Variants in PRMT8 observed in about 807,000 individuals in gnomAD.
The protein encoded by PRMT8 is protein arginine N-methyltransferase 8.
A neutral mutation model predicts 47.1 loss-of-function variants in PRMT8; 7 were observed. The observed-to-expected ratio is 0.15, with a 90% CI of 0.08 to 0.28. PRMT8 has a LOEUF of 0.28. Ranked by LOEUF, PRMT8 falls within the 10% of genes least tolerant of loss-of-function variation. The probability of loss-of-function intolerance (pLI) is 1.00; values close to 1 mark genes in which losing one functional copy is unlikely to be tolerated. For missense variants in PRMT8, 237 were observed against 505.4 expected (o/e 0.47, Z 5.09); for synonymous variants, 188 against 186.5 (o/e 1.01, Z -0.07).
Position 3,409,992 on chromosome 12 carries a change from A to G in PRMT8, c.48+28550A>G, listed in dbSNP as rs765507400. On this transcript the variant is annotated intron_variant, in intron 1 of 9. Coordinates refer to the PRMT8 transcript ENST00000452611. The surrounding 1 kb of genome is among the most constrained non-coding windows in gnomAD (Gnocchi z 4.4). ...GATGGAGTGGCTCTGGCCCTCTGGC[A>G]GCCTGTTACCTCTGGTTAGCTCCTG... is the stretch of plus-strand genomic sequence containing the variant. Among the ~76,000 whole-genome samples, 1 of 152,222 alleles carries G rather than the reference A, an allele frequency of 6.6e-6. No homozygotes were observed. Among genetic ancestry groups the G allele is most frequent in the East Asian group, 1.9e-4 (1 of 5,192 alleles).
At position 3,576,719 on chromosome 12, in the gene PRMT8, G is replaced by A; in HGVS notation, c.713-152G>A. On this transcript the variant is annotated intron_variant, in intron 6 of 9. Transcript: ENST00000382622. The surrounding 1 kb of genome is among the most constrained non-coding windows in gnomAD (Gnocchi z 4.0). The stretch of plus-strand genomic sequence containing the variant: ...GTGAGCATTTGGCACATTGCAAAGT[G>A]CCCCCAGGTGAGCAGTTCTGCCTCT... 2 of 660,520 alleles carry A rather than the reference G, an allele frequency of 3.0e-6. No individual in the cohort carries two copies. Among genetic ancestry groups the A allele is most frequent in the Non-Finnish European group, 5.5e-6 (2 of 366,866 alleles). 40.9% of individuals were successfully genotyped at this position (660,520 alleles called of 1,614,324 possible).
intron 6 of PRMT8, among the ~76,000 whole-genome samples, chr12:3,571,976 C>T (rs779184317): frequency 6.6e-6 from 1 of 152,160 alleles, no homozygotes; most frequent in Non-Finnish European, 1.5e-5. Context: ...GAGAGTGAGA[C>T]ATGTTCAGCC....
rs142298259 is a variant in PRMT8 at position 3,593,662 on chromosome 12, C to T, written c.*480C>T. 248 of 183,790 alleles carry T rather than the reference C, an allele frequency of 1.3e-3. 2 individuals carry two copies. Among genetic ancestry groups the T allele is most frequent in the African/African-American group, 5.5e-3 (229 of 41,626 alleles). The allele number at this position is 183,790 out of a possible 1,614,324, so 11.4% of individuals were successfully genotyped here. A position where few individuals can be genotyped will look rare whatever the true frequency, so the allele number is the denominator to read the frequency against. The stretch of plus-strand genomic sequence containing the variant: ...TGTGAGCAGCATAGTTGATATTTAC[C>T]CACAAACACCTGTATATGCGTGCAT... On this transcript the variant is annotated 3_prime_UTR_variant, in exon 10 of 10. Coordinates refer to ENST00000382622, the MANE Select transcript of PRMT8 (RefSeq NM_019854.5). This position sits in a 1 kb window ranked among gnomAD's most constrained non-coding sequence, Gnocchi z 4.8.
intron 1 of PRMT8, among the ~76,000 whole-genome samples, chr12:3,394,810 G>C (rs1349258166): frequency 2.0e-5 from 3 of 151,680 alleles, no homozygotes; most frequent in Admixed American, 6.6e-5. Context: ...TTGTACCTCT[G>C]GTAGAATTCA....
At chr12:3,431,168 G>A (rs1864671753) in intron 1 of PRMT8, among the ~76,000 whole-genome samples, 1 of 152,146 alleles carries the variant, frequency 6.6e-6, no homozygotes, top group Admixed American at 6.5e-5. Flanking sequence ...ATAGATTTTT[G>A]TTCTAGAAAT....
chr12:3,528,041 A>C (rs878891166), intron 1 of PRMT8, among the ~76,000 whole-genome samples: 2 of 152,044 alleles, frequency 1.3e-5, no homozygotes, highest in Non-Finnish European at 2.9e-5. Context: ...CCTTTGTAAT[A>C]TATCTCCCCA....
rs1273340275 is a variant in PRMT8, at chr12:3,451,715, TTGA to T, written c.48+70280_48+70282del. 7.9e-5 allele frequency among the ~76,000 whole-genome samples: 12 copies of T among 152,310 alleles called. No individual in the cohort carries two copies. The East Asian group carries it at 2.1e-3, about 27-fold the overall frequency. ...CCCACCCGCTTAGGCCGCAGTGCTG[TTGA>T]TGATGACGTGAGGACTCTACTTTTC... On this transcript the variant is annotated intron_variant, in intron 1 of 9. Transcript: ENST00000452611.
rs954013697 is a variant in PRMT8, at chr12:3,564,725, C to A, written c.482-3981C>A. Among the ~76,000 whole-genome samples the A allele has an allele frequency of 6.6e-6, 1 of 152,232 alleles. No individual in the cohort carries two copies. Among genetic ancestry groups the A allele is most frequent in the Non-Finnish European group, 1.5e-5 (1 of 68,046 alleles). The stretch of plus-strand genomic sequence containing the variant: ...TGATGCAGTTTTAGTGACTTGGGGT[C>A]CAGATTGGGCATGGAGCTCTGCAGC... On this transcript the variant is annotated intron_variant, in intron 4 of 9. Transcript: ENST00000382622. The surrounding 1 kb of genome is among the most constrained non-coding windows in gnomAD (Gnocchi z 4.0).
intron 1 of PRMT8, among the ~76,000 whole-genome samples, chr12:3,384,682 G>C (rs527333055): frequency 7.2e-4 from 109 of 152,212 alleles, no homozygotes; most frequent in African/African-American, 2.1e-3. Flanking sequence ...GAATCCTACA[G>C]GCTTTTATGT....
At chr12:3,519,121 C>T (rs1168697923) in intron 1 of PRMT8, among the ~76,000 whole-genome samples, 5 of 151,980 alleles carry the variant, frequency 3.3e-5, no homozygotes, top group African/African-American at 9.7e-5. Flanking sequence ...CAGAACTGTC[C>T]GTCTTTGCAG....
At chr12:3,389,601 T>A (rs1864172684) in intron 1 of PRMT8, among the ~76,000 whole-genome samples, 1 of 152,202 alleles carries the variant, frequency 6.6e-6, no homozygotes, top group Non-Finnish European at 1.5e-5. Context: ...AGGAGGCCAC[T>A]GTTTAGGTGA....
intron 1 of PRMT8, among the ~76,000 whole-genome samples, chr12:3,529,962 A>C (rs566402971): frequency 1.3e-5 from 2 of 152,322 alleles, no homozygotes; most frequent in South Asian, 4.1e-4. Context: ...AAATACACTT[A>C]GATCTGTATT....
Position 3,538,668 on chromosome 12 carries a change from G to A in PRMT8, c.76-1938G>A. The stretch of plus-strand genomic sequence containing the variant: ...CACATATTTAAATGGAGTCGATATT[G>A]GGGTCAGCTTCATGCACGGAGCCTT... On this transcript the variant is annotated intron_variant, in intron 1 of 9. Transcript: ENST00000382622. This position sits in a 1 kb window ranked among gnomAD's most constrained non-coding sequence, Gnocchi z 4.6. 1 of 519,002 alleles carries A rather than the reference G, an allele frequency of 1.9e-6. No individual in the cohort carries two copies. The allele number at this position is 519,002 out of a possible 1,614,324, so 32.1% of individuals were successfully genotyped here.
At chr12:3,554,444 C>A (rs961839313) in intron 4 of PRMT8, among the ~76,000 whole-genome samples, 5 of 152,194 alleles carry the variant, frequency 3.3e-5, no homozygotes, top group African/African-American at 9.7e-5. Flanking sequence ...AGGGCACTAG[C>A]CCCCTGTAGG....
At chr12:3,471,085 G>A (rs565956082) in intron 1 of PRMT8, among the ~76,000 whole-genome samples, 16 of 152,222 alleles carry the variant, frequency 1.1e-4, no homozygotes, top group Non-Finnish European at 1.9e-4. Context: ...CAGAAGGAGC[G>A]GTGGTTTCTT....
At chr12:3,527,196 A>AGG (rs1865960365) in intron 1 of PRMT8, among the ~76,000 whole-genome samples, 1 of 152,184 alleles carries the variant, frequency 6.6e-6, no homozygotes, top group Admixed American at 6.5e-5. Context: ...CACCTTATAT[A>AGG]TAGTAATCCC....
intron 1 of PRMT8, among the ~76,000 whole-genome samples, chr12:3,540,151 G>C (rs1225738691): frequency 6.6e-6 from 1 of 152,170 alleles, no homozygotes; most frequent in African/African-American, 2.4e-5. Context: ...CTGAGGCACT[G>C]AGAAGTTCAT....
intron 4 of PRMT8, among the ~76,000 whole-genome samples, chr12:3,563,301 A>G (rs1200753248): frequency 3.3e-5 from 5 of 151,962 alleles, no homozygotes; most frequent in Non-Finnish European, 5.9e-5. Context: ...GGGCTAGAAC[A>G]TGAAGCCAAG....
At chr12:3,403,671 G>A (rs1437045980) in intron 1 of PRMT8, among the ~76,000 whole-genome samples, 2 of 151,916 alleles carry the variant, frequency 1.3e-5, no homozygotes, top group African/African-American at 4.8e-5. Flanking sequence ...TTGAGCTCAG[G>A]AGCTTGAGAC....
Sources: allele counts gnomAD v4.1 joint callset (sites outside exome capture counted in the v4.1 genomes callset), GRCh38; gene constraint gnomAD v4.1.1; non-coding constraint Gnocchi (gnomAD v3.1); transcripts MANE v1.5; gene names NCBI Gene and HGNC (gene_info 2026-07-23, HGNC 2026-07-21).